Variants in VTI1A observed in about 807,000 individuals in gnomAD.
VTI1A encodes the protein vesicle transport through interaction with t-SNAREs 1A.
In VTI1A, 22 loss-of-function variants were observed where a neutral mutation model predicts 34.9. That is an observed-to-expected ratio of 0.63 (90% CI 0.45 to 0.90). VTI1A has a LOEUF of 0.90. VTI1A is among the 40% of genes least tolerant of loss of function. The pLI, the probability that VTI1A is intolerant of heterozygous loss-of-function variation, is 0.00. For synonymous variants in VTI1A, 87 were observed against 97.3 expected (o/e 0.89, Z 0.62); for missense variants, 268 against 275.6 (o/e 0.97, Z 0.20).
chr10:112,620,680 C>T (rs1346778912), intron 5 of VTI1A, among the ~76,000 whole-genome samples: 1 of 151,666 alleles, frequency 6.6e-6, no homozygotes, highest in Non-Finnish European at 1.5e-5. Flanking sequence ...ATCTCAGCTA[C>T]TTGGGAGGCT....
In VTI1A at chr10:112,616,770, A is replaced by G. The variant is rs189870419; in HGVS notation, c.428-51448A>G. Among the ~76,000 whole-genome samples, 358 of 152,314 alleles carry G rather than the reference A, an allele frequency of 2.4e-3. 2 individuals are homozygous for G. In the Middle Eastern group the frequency reaches 0.044, roughly 19 times the overall value. On this transcript the variant is annotated intron_variant, in intron 5 of 7. Transcript: ENST00000393077. ...CCATACAGAACTTTTTGAAATTAAAATCTGGAGGAATGGATTTAAAAGCAG... is the reference window on the plus strand; with the variant it reads ...CCATACAGAACTTTTTGAAATTAAAGTCTGGAGGAATGGATTTAAAAGCAG...
intron 7 of VTI1A, among the ~76,000 whole-genome samples, chr10:112,739,574 A>T (rs972012646): frequency 6.6e-6 from 1 of 152,318 alleles, no homozygotes; most frequent in East Asian, 1.9e-4. Context: ...ATAACAAGCG[A>T]TGTCTTGTAT....
chr10:112,721,583 G>A (rs1291920510), intron 7 of VTI1A, among the ~76,000 whole-genome samples: 1 of 152,132 alleles, frequency 6.6e-6, no homozygotes, highest in Non-Finnish European at 1.5e-5. Context: ...AGTTACTACG[G>A]TCCTAAAGTC....
intron 5 of VTI1A, among the ~76,000 whole-genome samples, chr10:112,600,906 G>C (rs906411787): frequency 6.6e-6 from 1 of 152,194 alleles, no homozygotes; most frequent in African/African-American, 2.4e-5. Context: ...TAGTGCTAAG[G>C]CTTTAAAATA....
intron 7 of VTI1A, among the ~76,000 whole-genome samples, chr10:112,712,075 A>G (rs186286647): frequency 2.7e-4 from 41 of 152,232 alleles, no homozygotes; most frequent in African/African-American, 9.1e-4. Flanking sequence ...TGAGTGACCC[A>G]ATTAGTAAGA....
chr10:112,671,334 GA>G (rs1208948325), intron 7 of VTI1A, among the ~76,000 whole-genome samples: 1 of 152,098 alleles, frequency 6.6e-6, no homozygotes, highest in Non-Finnish European at 1.5e-5. Flanking sequence ...TCTGATTTAG[GA>G]AATGTTATGT....
At position 112,723,509 on chromosome 10, in the gene VTI1A, G is replaced by C. The variant is rs535304309; in HGVS notation, c.560+54511G>C. On this transcript the variant is annotated intron_variant, in intron 7 of 7. Transcript: ENST00000393077. ...GTGGGGGCCCGGACTGAAGGGTCAG[G>C]CTGGGTTTCTGTTTCGTAACTGGGA... 2.0e-5 allele frequency among the ~76,000 whole-genome samples: 3 copies of C among 152,266 alleles called. No individual in the cohort carries two copies. The South Asian group carries it at 6.2e-4, about 32-fold the overall frequency.
chr10:112,628,400 T>C (rs1027452230), intron 5 of VTI1A, among the ~76,000 whole-genome samples: 1 of 152,184 alleles, frequency 6.6e-6, no homozygotes, highest in Non-Finnish European at 1.5e-5. Context: ...GAGTCACCTA[T>C]ACAAGAATAA....
intron 1 of VTI1A, chr10:112,448,952 G>A (rs1010641267): frequency 1.1e-4 from 16 of 152,188 alleles, no homozygotes; most frequent in African/African-American, 3.9e-4. Flanking sequence ...AGTTAGTTCT[G>A]GAGGAGATGG....
At chr10:112,498,800 A>C (rs1289370320) in intron 3 of VTI1A, among the ~76,000 whole-genome samples, 2 of 152,196 alleles carry the variant, frequency 1.3e-5, no homozygotes, top group African/African-American at 4.8e-5. Context: ...ATTTAGATGA[A>C]CAATTTTCTT....
intron 4 of VTI1A, among the ~76,000 whole-genome samples, chr10:112,532,557 G>A (rs1361118525): frequency 6.6e-6 from 1 of 152,058 alleles, no homozygotes; most frequent in Non-Finnish European, 1.5e-5. Flanking sequence ...CACACAATGA[G>A]CCAGATATAT....
intron 3 of VTI1A, among the ~76,000 whole-genome samples, chr10:112,513,631 C>G (rs1181013269): frequency 1.3e-5 from 2 of 151,850 alleles, no homozygotes; most frequent in Non-Finnish European, 2.9e-5. Context: ...AAAGGAAGAG[C>G]ATTTAACATT....
At chr10:112,731,575 C>CAA (rs34452346) in intron 7 of VTI1A, among the ~76,000 whole-genome samples, 19 of 116,912 alleles carry the variant, frequency 1.6e-4, no homozygotes, top group South Asian at 3.0e-4. Context: ...AACTCCATCT[C>CAA]AAAAAAAAAA....
At chr10:112,751,512 A>G (rs1851107189) in intron 7 of VTI1A, among the ~76,000 whole-genome samples, 1 of 150,610 alleles carries the variant, frequency 6.6e-6, no homozygotes, top group Admixed American at 6.6e-5. Context: ...TGCAAGCTGC[A>G]TCTTTGCTTC....
intron 3 of VTI1A, among the ~76,000 whole-genome samples, chr10:112,480,538 A>G (rs950600969): frequency 3.9e-5 from 6 of 152,140 alleles, no homozygotes; most frequent in Admixed American, 3.9e-4. Context: ...GTGCATGTGC[A>G]TGTGCGTGTA....
chr10:112,478,438 A>G (rs1271875064), intron 3 of VTI1A, among the ~76,000 whole-genome samples: 2 of 152,218 alleles, frequency 1.3e-5, no homozygotes, highest in Non-Finnish European at 2.9e-5. Context: ...TGGTAATGCT[A>G]TAATTAAAGA....
intron 5 of VTI1A, among the ~76,000 whole-genome samples, chr10:112,564,444 T>TAA (rs11352489): frequency 2.6e-4 from 38 of 143,834 alleles, no homozygotes; most frequent in East Asian, 1.2e-3. Flanking sequence ...AGTACTTCTT[T>TAA]AAAAAAAAAA....
chr10:112,758,489 A>G (rs554735460), intron 7 of VTI1A, among the ~76,000 whole-genome samples: 19 of 152,298 alleles, frequency 1.2e-4, no homozygotes, highest in African/African-American at 4.6e-4. Context: ...AGGGTTCAGG[A>G]ATCTACATTT....
chr10:112,736,482 G>GTGGATGGA (rs1850476981), intron 7 of VTI1A, among the ~76,000 whole-genome samples: 3 of 152,124 alleles, frequency 2.0e-5, no homozygotes, highest in African/African-American at 7.2e-5. Context: ...AGGTGGGTGG[G>GTGGATGGA]TGGATGGATG....
Sources: allele counts gnomAD v4.1 joint callset (sites outside exome capture counted in the v4.1 genomes callset), GRCh38; gene constraint gnomAD v4.1.1; transcripts MANE v1.5; gene names NCBI Gene and HGNC (gene_info 2026-07-23, HGNC 2026-07-21).